The following SFI1 variants were observed in gnomAD, a reference collection of about 807,000 sequenced individuals.
SFI1 encodes the protein SFI1 centrin binding protein.
Under a neutral mutation model 207.5 loss-of-function variants are expected in SFI1, and 195 were observed. The observed-to-expected ratio is 0.94, with a 90% CI of 0.84 to 1.06. The LOEUF is 1.06. SFI1 is among the 50% of genes least tolerant of loss of function. The pLI, the probability that SFI1 is intolerant of heterozygous loss-of-function variation, is 0.00. For synonymous variants in SFI1, 630 were observed against 598.9 expected (o/e 1.05, Z -0.76); for missense variants, 1,634 against 1,588.0 (o/e 1.03, Z -0.49).
At chr22:31,518,928 G>A (rs763124025) in intron 2 of SFI1, among the ~76,000 whole-genome samples, 11 of 151,026 alleles carry the variant, frequency 7.3e-5, no homozygotes, top group African/African-American at 1.5e-4. Context: ...ATTCATTGCC[G>A]GAGGAATTAA....
At chr22:31,548,136 C>T (rs939259718) in intron 5 of SFI1, among the ~76,000 whole-genome samples, 2 of 150,180 alleles carry the variant, frequency 1.3e-5, no homozygotes, top group East Asian at 2.1e-4. Context: ...AGGAGAATGG[C>T]GTGAACCCAG....
At chr22:31,525,553 C>G (rs1479024705) in intron 2 of SFI1, among the ~76,000 whole-genome samples, 1 of 152,034 alleles carries the variant, frequency 6.6e-6, no homozygotes, top group African/African-American at 2.4e-5. Context: ...GTGGCAAAAC[C>G]CCATCTCTAC....
chr22:31,523,203 T>G (rs781006070), intron 2 of SFI1, among the ~76,000 whole-genome samples: 1 of 152,214 alleles, frequency 6.6e-6, no homozygotes, highest in Non-Finnish European at 1.5e-5. Context: ...AGATAATTAT[T>G]TTCTCCTTCA....
rs948814392 is a variant in SFI1 at position 31,513,011 on chromosome 22, G to C, written c.92+4635G>C. On this transcript the variant is annotated intron_variant, in intron 2 of 32. Coordinates refer to ENST00000400288, the MANE Select transcript of SFI1 (RefSeq NM_001007467.3). ...AGTTTTTGTATTTTTAATACAGATA[G>C]GGTTTCACCATGTTGGCCAGGCTGG... is the stretch of plus-strand genomic sequence containing the variant. 3.3e-5 allele frequency among the ~76,000 whole-genome samples: 5 copies of C among 152,050 alleles called. No homozygotes were observed. In the East Asian group the frequency reaches 9.6e-4, roughly 29 times the overall value.
intron 2 of SFI1, among the ~76,000 whole-genome samples, chr22:31,515,320 CGT>C (rs3068283): frequency 0.22 from 32,760 of 150,106 alleles, 4,522 homozygotes; most frequent in East Asian, 0.43. Context: ...TCTCATTGTT[CGT>C]GTGTGTGTGT....
intron 4 of SFI1, among the ~76,000 whole-genome samples, chr22:31,536,999 C>A (rs1380426944): frequency 6.6e-6 from 1 of 151,958 alleles, no homozygotes; most frequent in African/African-American, 2.4e-5. Flanking sequence ...ATCCTCCCTG[C>A]TCTGCCTCCC....
intron 24 of SFI1, chr22:31,612,138 G>A: frequency 2.1e-6 from 2 of 968,190 alleles, no homozygotes; most frequent in Non-Finnish European, 2.5e-6. Flanking sequence ...CAGCACTTTG[G>A]GAGGCCGAGG....
At chr22:31,604,268 A>G in intron 18 of SFI1, 41 bp from the exon 19 acceptor site, 1 of 1,519,248 alleles carries the variant, frequency 6.6e-7, no homozygotes. Context: ...CCCCCAACTC[A>G]GACCCCAGCC....
At position 31,612,034 on chromosome 22, in the gene SFI1, G is replaced by A. The variant is rs555279553; in HGVS notation, c.2490+194G>A. On this transcript the variant is annotated intron_variant, in intron 24 of 32. Coordinates refer to ENST00000400288, the MANE Select transcript of SFI1 (RefSeq NM_001007467.3). Reference sequence around the variant, plus strand: ...TTCCTTCCGTCTGCAGTCTGCATAAGAACAGTTACTTCAAGGCCAGTTTCT... The same window carrying A: ...TTCCTTCCGTCTGCAGTCTGCATAAAAACAGTTACTTCAAGGCCAGTTTCT... The A allele has an allele frequency of 1.1e-4, 158 of 1,383,836 alleles. 1 individual carries two copies. In the South Asian group the frequency reaches 2.2e-3, roughly 20 times the overall value. 85.7% of individuals were successfully genotyped at this position (1,383,836 alleles called of 1,614,324 possible).
chr22:31,520,669 G>T (rs2057118234), intron 2 of SFI1, among the ~76,000 whole-genome samples: 1 of 151,714 alleles, frequency 6.6e-6, no homozygotes, highest in Non-Finnish European at 1.5e-5. Context: ...AATCCAGGGA[G>T]TATCTAAAAA....
chr22:31,580,175 C>T, intron 11 of SFI1, 97 bp from the exon 12 acceptor site: 3 of 840,920 alleles, frequency 3.6e-6, no homozygotes, highest in South Asian at 3.2e-5. Flanking sequence ...AAGCTTCTCC[C>T]CGCTGATTTG....
chr22:31,521,344 G>T, intron 2 of SFI1: 1 of 169,342 alleles, frequency 5.9e-6, no homozygotes. Context: ...AGGGGTAATA[G>T]CTTTACCTTT....
At chr22:31,609,139 C>T (rs540326635) in intron 22 of SFI1, among the ~76,000 whole-genome samples, 1 of 152,174 alleles carries the variant, frequency 6.6e-6, no homozygotes, top group East Asian at 2.0e-4. Flanking sequence ...GCGGGGACTA[C>T]AGGTGTGTGC....
intron 3 of SFI1, chr22:31,530,772 A>G (rs1212307680): frequency 1.3e-5 from 6 of 448,356 alleles, no homozygotes; most frequent in Non-Finnish European, 2.1e-5. Context: ...AATATGAACA[A>G]AAGAATTATT....
chr22:31,505,438 G>GA (rs1181284197), intron 1 of SFI1, among the ~76,000 whole-genome samples: 153 of 132,936 alleles, frequency 1.2e-3, no homozygotes, highest in African/African-American at 2.2e-3. Context: ...GACTGTCTCG[G>GA]AAAAAAAGAA....
At chr22:31,499,288 G>A (rs5998016) in intron 1 of SFI1, among the ~76,000 whole-genome samples, 75,986 of 151,826 alleles carry the variant, frequency 0.5, 19,809 homozygotes, top group African/African-American at 0.62. Context: ...TCCGCCTCCC[G>A]GGTTCAAGTG....
At chr22:31,496,931 G>C (rs548468025) in intron 1 of SFI1, among the ~76,000 whole-genome samples, 2 of 152,224 alleles carry the variant, frequency 1.3e-5, no homozygotes, top group African/African-American at 4.8e-5. Context: ...CAGGCGTCTA[G>C]TGCGCTCCTG....
intron 8 of SFI1, among the ~76,000 whole-genome samples, chr22:31,570,356 G>T (rs1299155201): frequency 6.6e-6 from 1 of 152,188 alleles, no homozygotes; most frequent in Non-Finnish European, 1.5e-5. Context: ...GGCCTAAGCA[G>T]TTGGAACAAT....
chr22:31,539,355 C>T (rs1181902782), intron 4 of SFI1, among the ~76,000 whole-genome samples: 1 of 152,156 alleles, frequency 6.6e-6, no homozygotes, highest in Non-Finnish European at 1.5e-5. Flanking sequence ...GCCCAGAGTC[C>T]TTACTGTGGT....
Sources: allele counts gnomAD v4.1 joint callset (sites outside exome capture counted in the v4.1 genomes callset), GRCh38; gene constraint gnomAD v4.1.1; transcripts MANE v1.5; gene names NCBI Gene and HGNC (gene_info 2026-07-23, HGNC 2026-07-21).